The following ARIH1 variants were observed in gnomAD, a reference collection of about 807,000 sequenced individuals.
ARIH1 encodes the protein ariadne RBR E3 ubiquitin protein ligase 1, also known as E3 ubiquitin-protein ligase ARIH1.
ARIH1 carries 8 observed loss-of-function variants against 85.0 expected under a neutral mutation model. The ratio of observed to expected loss-of-function variants is 0.09; its 90% CI spans 0.06 to 0.17. The LOEUF is 0.17. Among genes scored for constraint, ARIH1 ranks in the 10% least tolerant of loss-of-function variants. The pLI is 1.00. For missense variants in ARIH1, 311 were observed against 718.1 expected (o/e 0.43, Z 6.48); for synonymous variants, 238 against 253.6 (o/e 0.94, Z 0.59).
chr15:72,563,070 G>C (rs1461933559), intron 6 of ARIH1, among the ~76,000 whole-genome samples: 1 of 151,776 alleles, frequency 6.6e-6, no homozygotes, highest in Non-Finnish European at 1.5e-5. Context: ...GTCTTTTTTT[G>C]AGGCAGGGCC....
chr15:72,598,815 T>A lies in ARIH1; in HGVS notation c.*15523T>A, dbSNP rs1459362792. ...TCACTGCTGGCTTGACCTTCTGGGC[T>A]CAAGTGATCCTCTTGCCTCAGCCTC... On this transcript the variant is annotated 3_prime_UTR_variant, in exon 14 of 14. Coordinates refer to ENST00000379887, the MANE Select transcript of ARIH1 (RefSeq NM_005744.5). 1 of 151,272 alleles carries A rather than the reference T, an allele frequency of 6.6e-6. No individual in the cohort carries two copies. Among genetic ancestry groups the A allele is most frequent in the Non-Finnish European group, 1.5e-5 (1 of 67,980 alleles). The allele number at this position is 151,272 out of a possible 1,614,324, so 9.4% of individuals were successfully genotyped here.
At chr15:72,507,697 C>A (rs1315015044) in intron 1 of ARIH1, among the ~76,000 whole-genome samples, 1 of 152,066 alleles carries the variant, frequency 6.6e-6, no homozygotes, top group Non-Finnish European at 1.5e-5. Flanking sequence ...AAATAACAGT[C>A]AATTAAGAGC....
rs1453161599 is a variant in ARIH1 at position 72,488,733 on chromosome 15, TC to T, written c.375+13721del. Among the ~76,000 whole-genome samples, 6 of 152,324 alleles carry T rather than the reference TC, an allele frequency of 3.9e-5. No individual in the cohort carries two copies. The East Asian group carries it at 1.2e-3, about 29-fold the overall frequency. ...GTTTCCTTGTGGTAAACCAAAGGGA[TC>T]CAGACAAGATTTTCTTCTGGCACTA... On this transcript the variant is annotated intron_variant, in intron 1 of 13. Transcript: ENST00000379887.
chr15:72,498,163 T>G (rs2063887399), intron 1 of ARIH1, among the ~76,000 whole-genome samples: 1 of 152,240 alleles, frequency 6.6e-6, no homozygotes, highest in African/African-American at 2.4e-5. Context: ...CTTGACTAGA[T>G]GTAAATCACT....
At position 72,594,675 on chromosome 15, in the gene ARIH1, C is replaced by T. The variant is rs944070791; in HGVS notation, c.*11383C>T. 2.0e-5 allele frequency: 3 copies of T among 151,982 alleles called. No individual in the cohort carries two copies. Among genetic ancestry groups the T allele is most frequent in the East Asian group, 1.9e-4 (1 of 5,176 alleles). 9.4% of individuals were successfully genotyped at this position (151,982 alleles called of 1,614,324 possible). A position where few individuals can be genotyped will look rare whatever the true frequency, so the allele number is the denominator to read the frequency against. The stretch of plus-strand genomic sequence containing the variant: ...TGATTTTTGTATGCTGATCTTGAAT[C>T]GTGCCACCTTGCTAAATTCATTTAT... On this transcript the variant is annotated 3_prime_UTR_variant, in exon 14 of 14. Coordinates refer to ENST00000379887, the MANE Select transcript of ARIH1 (RefSeq NM_005744.5).
At position 72,476,046 on chromosome 15, in the gene ARIH1, C is replaced by T. The variant is rs535720885; in HGVS notation, c.375+1032C>T. 2.6e-5 allele frequency among the ~76,000 whole-genome samples: 4 copies of T among 152,198 alleles called. No individual in the cohort carries two copies. In the South Asian group the frequency reaches 8.3e-4, roughly 32 times the overall value. ...AATTTTTAGAAAACCTGGAAGGAAA[C>T]ATATATGAGCAGCAAGTTACTATTG... On this transcript the variant is annotated intron_variant, in intron 1 of 13. Transcript: ENST00000379887.
At chr15:72,553,644 G>T (rs1177939964) in intron 3 of ARIH1, among the ~76,000 whole-genome samples, 1 of 152,170 alleles carries the variant, frequency 6.6e-6, no homozygotes, top group Admixed American at 6.6e-5. Flanking sequence ...CAAGGTTTTG[G>T]TACGGTGGCT....
At chr15:72,525,889 C>T (rs1431468496) in intron 2 of ARIH1, among the ~76,000 whole-genome samples, 7 of 152,052 alleles carry the variant, frequency 4.6e-5, no homozygotes, top group Non-Finnish European at 8.8e-5. Context: ...GATCCTCTCA[C>T]CTCAGCCCCA....
At chr15:72,513,862 C>T (rs2063962777) in intron 1 of ARIH1, among the ~76,000 whole-genome samples, 1 of 126,840 alleles carries the variant, frequency 7.9e-6, no homozygotes, top group Admixed American at 8.1e-5. Context: ...TCTCTCCCTC[C>T]TTCCCTCTAC....
intron 5 of ARIH1, among the ~76,000 whole-genome samples, chr15:72,559,809 G>A (rs894188023): frequency 1.3e-5 from 2 of 152,022 alleles, no homozygotes; most frequent in Admixed American, 1.3e-4. Flanking sequence ...TTTTGTGATT[G>A]GCTTCTTTAA....
Position 72,600,676 on chromosome 15 carries a change from T to C in ARIH1, c.*17384T>C, listed in dbSNP as rs1014763746. 2 of 152,198 alleles carry C rather than the reference T, an allele frequency of 1.3e-5. No individual in the cohort carries two copies. The highest frequency in any genetic ancestry group is 1.3e-4 in the Admixed American group (2 of 15,282). 9.4% of individuals were successfully genotyped at this position (152,198 alleles called of 1,614,324 possible). ...GGGATTACAGGTGTGAACCATAGTA[T>C]CCAACCTATTATGTTTTTTTAAAAA... is the stretch of plus-strand genomic sequence containing the variant. On this transcript the variant is annotated 3_prime_UTR_variant, in exon 14 of 14. Coordinates refer to ENST00000379887, the MANE Select transcript of ARIH1 (RefSeq NM_005744.5).
intron 2 of ARIH1, among the ~76,000 whole-genome samples, chr15:72,521,300 T>C (rs2140412813): frequency 6.6e-6 from 1 of 151,528 alleles, no homozygotes; most frequent in South Asian, 2.1e-4. Context: ...ATATAAATTG[T>C]TTCACATGTG....
At position 72,585,329 on chromosome 15, in the gene ARIH1, C is replaced by G. The variant is rs1394659997; in HGVS notation, c.*2037C>G. On this transcript the variant is annotated 3_prime_UTR_variant, in exon 14 of 14. Coordinates refer to ENST00000379887, the MANE Select transcript of ARIH1 (RefSeq NM_005744.5). ...TCTTCCATTTTCTCGTCTCTCTCCC[C>G]TCTTCCCCCATTATCCATATGACAT... 6.6e-6 allele frequency: 1 copy of G among 152,156 alleles called. No homozygotes were observed. Among genetic ancestry groups the G allele is most frequent in the Admixed American group, 6.6e-5 (1 of 15,256 alleles). 9.4% of individuals were successfully genotyped at this position (152,156 alleles called of 1,614,324 possible).
intron 1 of ARIH1, among the ~76,000 whole-genome samples, chr15:72,481,769 C>T (rs1167514110): frequency 6.6e-6 from 1 of 152,140 alleles, no homozygotes; most frequent in African/African-American, 2.4e-5. Context: ...TGTTTGTCAT[C>T]GTAGATGCTA....
intron 8 of ARIH1, 40 bp from the exon 9 acceptor site, chr15:72,567,066 A>C (rs1669410568): frequency 6.7e-7 from 1 of 1,482,746 alleles, no homozygotes; most frequent in Non-Finnish European, 9.3e-7. Flanking sequence ...TATTTTTAAA[A>C]GTCTTTTGTT....
In ARIH1 at chr15:72,550,584, G is replaced by A. The variant is rs192934670; in HGVS notation, c.589-4687G>A. Among the ~76,000 whole-genome samples the A allele has an allele frequency of 4.6e-5, 7 of 152,252 alleles. No homozygotes were observed. In the East Asian group the frequency reaches 1.3e-3, roughly 29 times the overall value. On this transcript the variant is annotated intron_variant, in intron 3 of 13. Transcript: ENST00000379887. ...GCCAAATCTCCTTCTCTGATGGGGA[G>A]TAATGATAATAGATTCCCTTTAAGC... is the stretch of plus-strand genomic sequence containing the variant.
chr15:72,582,587 A>G lies in ARIH1; in HGVS notation c.1589+400A>G, dbSNP rs1287457454. ...TTACTTTTTAGAGTTTTTATTACAT[A>G]TATATATATATATTTTTTTAATCTA... On this transcript the variant is annotated intron_variant, in intron 13 of 13. Transcript: ENST00000379887. The surrounding 1 kb of genome is among the most constrained non-coding windows in gnomAD (Gnocchi z 4.6). 2.0e-5 allele frequency among the ~76,000 whole-genome samples: 3 copies of G among 149,588 alleles called. No individual in the cohort carries two copies. Among genetic ancestry groups the G allele is most frequent in the African/African-American group, 7.5e-5 (3 of 39,972 alleles).
chr15:72,497,476 T>C (rs781670505), intron 1 of ARIH1, among the ~76,000 whole-genome samples: 2 of 151,878 alleles, frequency 1.3e-5, no homozygotes, highest in African/African-American at 2.4e-5. Flanking sequence ...AAAACAGGGT[T>C]AGGATGGAAG....
chr15:72,575,289 T>C (rs961109476), intron 11 of ARIH1, among the ~76,000 whole-genome samples: 1 of 152,086 alleles, frequency 6.6e-6, no homozygotes, highest in African/African-American at 2.4e-5. Context: ...GATTGGAGAA[T>C]TTGTCTTGAT....
Sources: allele counts gnomAD v4.1 joint callset (sites outside exome capture counted in the v4.1 genomes callset), GRCh38; gene constraint gnomAD v4.1.1; non-coding constraint Gnocchi (gnomAD v3.1); transcripts MANE v1.5; gene names NCBI Gene and HGNC (gene_info 2026-07-23, HGNC 2026-07-21).